ZIM2: variants seen among roughly 807,000 people sequenced by gnomAD.
ZIM2 encodes the protein zinc finger protein 656.
Under a neutral mutation model 38.6 loss-of-function variants are expected in ZIM2, and 14 were observed. The observed-to-expected ratio is 0.36, with a 90% CI of 0.24 to 0.57. ZIM2 has a LOEUF of 0.57. ZIM2 is among the 20% of genes least tolerant of loss of function. The pLI is 0.81. For synonymous variants in ZIM2, 247 were observed against 245.8 expected (o/e 1.00, Z -0.04); for missense variants, 680 against 695.1 (o/e 0.98, Z 0.24).
At chr19:56,809,092 C>G (rs2047924681) in intron 9 of ZIM2, among the ~76,000 whole-genome samples, 1 of 152,080 alleles carries the variant, frequency 6.6e-6, no homozygotes. Flanking sequence ...GTCAAACAAC[C>G]CCTAATGACA....
At chr19:56,818,498 A>G in intron 8 of ZIM2, 102 bp downstream of exon 8, 1 of 1,242,702 alleles carries the variant, frequency 8.0e-7, no homozygotes, top group Non-Finnish European at 1.1e-6. Context: ...CTTGAAGTCC[A>G]AATATATTAA....
chr19:56,791,315 C>A (rs1243258364), intron 9 of ZIM2: 1 of 152,122 alleles, frequency 6.6e-6, no homozygotes, highest in African/African-American at 2.4e-5. Flanking sequence ...AAGGTAATAC[C>A]TATTTCACAG....
At chr19:56,815,319 A>T in intron 9 of ZIM2, 1 of 1,614,220 alleles carries the variant, frequency 6.2e-7, no homozygotes, top group Non-Finnish European at 8.5e-7. Context: ...CTTCGCTGGT[A>T]GCAAAAAATT....
chr19:56,823,549 C>A (rs772286225), intron 5 of ZIM2, 41 bp downstream of exon 5: 21 of 1,612,502 alleles, frequency 1.3e-5, no homozygotes, highest in Non-Finnish European at 1.7e-5. Flanking sequence ...AAGCATCTGG[C>A]AGCGCCTGCC....
intron 9 of ZIM2, among the ~76,000 whole-genome samples, chr19:56,804,723 G>T (rs1280596561): frequency 6.6e-6 from 1 of 152,170 alleles, no homozygotes; most frequent in Non-Finnish European, 1.5e-5. Flanking sequence ...TTCTTCAAGG[G>T]TGGAAATTTC....
chr19:56,817,696 A>G (rs1285109904), intron 9 of ZIM2, 50 bp downstream of exon 9: 1 of 1,565,078 alleles, frequency 6.4e-7, no homozygotes, highest in East Asian at 2.2e-5. Flanking sequence ...GTTCCTTGAT[A>G]GCATCTCACT....
chr19:56,774,739 T>C lies in ZIM2; in HGVS notation c.1626A>G (p.Gln542=). Reference sequence around the variant, plus strand: ...TCTCTTGAGAATGGAGTTGATAATGTTGAGTGAGGTATGAGGGTCGGCCGA... The same window carrying C: ...TCTCTTGAGAATGGAGTTGATAATGCTGAGTGAGGTATGAGGGTCGGCCGA... ...KCFGRPSYLT[Q]HYQLHSQEKT... The change falls in exon 13 of 13, where the codon CAA becomes CAG. Residue 542 remains glutamine (Q), a synonymous_variant. Coordinates refer to ENST00000629319, the MANE Select transcript of ZIM2 (RefSeq NM_001387356.1). The C allele has an allele frequency of 2.5e-6, 4 of 1,614,062 alleles. No individual in the cohort carries two copies. The highest frequency in any genetic ancestry group is 2.5e-6 in the Non-Finnish European group (3 of 1,180,004).
rs62130774 is a variant in ZIM2, at chr19:56,805,101, C to T, written c.490+12645G>A. ...GGTTTTTCAGCCTTGGCTCTACTGA[C>T]ATTTTGGGTCGGTTCATTCTGTGTC... On this transcript the variant is annotated intron_variant, in intron 9 of 12. Coordinates refer to ENST00000629319, the MANE Select transcript of ZIM2 (RefSeq NM_001387356.1). 6.8e-3 allele frequency among the ~76,000 whole-genome samples: 1,039 copies of T among 152,272 alleles called. 9 individuals carry two copies. Among genetic ancestry groups the T allele is most frequent in the Non-Finnish European group, 9.9e-3 (674 of 68,024 alleles).
chr19:56,806,195 C>A (rs908799942), intron 9 of ZIM2, among the ~76,000 whole-genome samples: 3 of 152,104 alleles, frequency 2.0e-5, no homozygotes, highest in Non-Finnish European at 2.9e-5. Context: ...AATTATTTCC[C>A]AATATTTGTT....
chr19:56,807,584 G>A (rs372409664), intron 9 of ZIM2, among the ~76,000 whole-genome samples: 1 of 152,190 alleles, frequency 6.6e-6, no homozygotes, highest in South Asian at 2.1e-4. Context: ...CAAGGCAAGA[G>A]GGTCACTTGA....
intron 1 of ZIM2, among the ~76,000 whole-genome samples, chr19:56,836,916 G>A (rs2062178490): frequency 6.9e-6 from 1 of 144,346 alleles, no homozygotes; most frequent in Non-Finnish European, 1.5e-5. Flanking sequence ...GCTGCAGTGA[G>A]CCAAGATCAC....
intron 7 of ZIM2, 26 bp from the exon 8 acceptor site, chr19:56,818,728 A>C: frequency 1.2e-6 from 2 of 1,605,494 alleles, no homozygotes; most frequent in Non-Finnish European, 1.7e-6. Context: ...CAGACCTCTC[A>C]ATGGAGTCTG....
At chr19:56,825,954 C>T (rs2060986808) in intron 3 of ZIM2, among the ~76,000 whole-genome samples, 1 of 152,172 alleles carries the variant, frequency 6.6e-6, no homozygotes. Flanking sequence ...CCACTTCCCT[C>T]CCTATGCAAA....
At chr19:56,818,421 T>G (rs1229871776) in intron 8 of ZIM2, among the ~76,000 whole-genome samples, 179 bp downstream of exon 8, 2 of 152,196 alleles carry the variant, frequency 1.3e-5, no homozygotes, top group Non-Finnish European at 2.9e-5. Context: ...GCCAGAGGCA[T>G]TTCTTAAAAA....
intron 11 of ZIM2, among the ~76,000 whole-genome samples, chr19:56,781,534 CCT>C (rs969857337): frequency 1.3e-5 from 2 of 152,126 alleles, no homozygotes; most frequent in African/African-American, 2.4e-5. Context: ...GGAGCAAACC[CCT>C]GTCTGGTAGC....
rs1424081075 is a variant in ZIM2 at position 56,821,816 on chromosome 19, T to TGTCC, written c.191-66_191-63dup. 4 of 1,584,652 alleles carry TGTCC rather than the reference T, an allele frequency of 2.5e-6. No homozygotes were observed. In the Admixed American group the frequency reaches 6.7e-5, roughly 26 times the overall value. On this transcript the variant is annotated intron_variant, in intron 6 of 12. Coordinates refer to ENST00000629319, the MANE Select transcript of ZIM2 (RefSeq NM_001387356.1). ...CAGTCCATCCTGCAGGTCCCAGGTTTGTCCCACTCAACTATGAAGCCAGCT... is the reference window on the plus strand; with the variant it reads ...CAGTCCATCCTGCAGGTCCCAGGTTTGTCCGTCCCACTCAACTATGAAGCCAGCT...
intron 9 of ZIM2, chr19:56,817,294 G>A (rs777335656): frequency 6.2e-7 from 1 of 1,613,980 alleles, no homozygotes; most frequent in Non-Finnish European, 8.5e-7. Context: ...TCTCTTTCTG[G>A]AAACAAGGGT....
Position 56,815,122 on chromosome 19 carries a change from T to C in ZIM2, c.490+2624A>G, listed in dbSNP as rs768369126. 2.0e-5 allele frequency: 32 copies of C among 1,613,900 alleles called. No homozygotes were observed. The highest frequency in any genetic ancestry group is 6.6e-5 in the South Asian group (6 of 91,066). On this transcript the variant is annotated intron_variant, in intron 9 of 12. Transcript: ENST00000629319. ...GCCCAGGCCACAGTCCTCACATTCA[T>C]AGATTTTGTCATCAGGGTCATCCTT... is the stretch of plus-strand genomic sequence containing the variant.
At chr19:56,817,464 G>C in intron 9 of ZIM2, 1 of 1,612,494 alleles carries the variant, frequency 6.2e-7, no homozygotes, top group Non-Finnish European at 8.5e-7. Context: ...TTCCCGATTT[G>C]GAACTGCGTG....
Sources: allele counts gnomAD v4.1 joint callset (sites outside exome capture counted in the v4.1 genomes callset), GRCh38; gene constraint gnomAD v4.1.1; transcripts MANE v1.5; gene names NCBI Gene and HGNC (gene_info 2026-07-23, HGNC 2026-07-21).